Variants in C16orf89 observed in about 807,000 individuals in gnomAD.
C16orf89 encodes chromosome 16 open reading frame 89, also known as UPF0764 protein C16orf89.
In C16orf89, 57 loss-of-function variants were observed where a neutral mutation model predicts 41.5. That is an observed-to-expected ratio of 1.38 (90% CI 1.11 to 1.71). C16orf89 has a LOEUF of 1.71. C16orf89 is among the 40% of genes most tolerant of loss of function. C16orf89 has a pLI of 0.00. For missense variants in C16orf89, 575 were observed against 445.9 expected, an observed-to-expected ratio of 1.29 and a Z score of -2.61; for synonymous variants, 223 against 190.6, an observed-to-expected ratio of 1.17 and a Z score of -1.40.
chr16:5,058,015 A>C (rs945722844), intron 4 of C16orf89, among the ~76,000 whole-genome samples: 5 of 152,136 alleles, frequency 3.3e-5, no homozygotes, highest in Admixed American at 3.3e-4. Flanking sequence ...CAGGAGTATG[A>C]TAGGGGCCCT....
At chr16:5,052,419 G>A (rs2142625423) in intron 6 of C16orf89, among the ~76,000 whole-genome samples, 1 of 152,168 alleles carries the variant, frequency 6.6e-6, no homozygotes, top group Admixed American at 6.5e-5. Flanking sequence ...GCGAAACTCT[G>A]TCTCTACAAA....
Position 5,056,172 on chromosome 16 carries a change from C to G in C16orf89, c.644G>C (p.Gly215Ala), listed in dbSNP as rs17853191. ...ATAGTCCTGGCTCTGTTGGAGTGGT[C>G]CCTGTGTGCACCCCCTCTGGGGAGA... ...LWARMRGCTQ[G>A]PLQQSQDYIN... The change falls in exon 5 of 8, where the codon GGA becomes GCA. Residue 215 changes from glycine to alanine, a missense_variant. Physicochemically the swap from Gly to Ala is moderately conservative, Grantham distance 60. Coordinates refer to ENST00000472572, the MANE Select transcript of C16orf89 (RefSeq NM_001098514.3). The G allele has an allele frequency of 6.3e-7, 1 of 1,590,306 alleles. No homozygotes were observed. The highest frequency in any genetic ancestry group is 1.1e-5 in the South Asian group (1 of 90,526).
intron 1 of C16orf89, among the ~76,000 whole-genome samples, chr16:5,064,491 G>T (rs1446657115): frequency 3.9e-5 from 6 of 152,232 alleles, no homozygotes; most frequent in Non-Finnish European, 1.5e-5. Context: ...CCATCCACCA[G>T]CTGCAGCTGA....
Position 5,065,783 on chromosome 16 carries a change from C to T in C16orf89, c.126G>A (p.Ala42=), listed in dbSNP as rs187308197. ...CTAGGAAGACGGTGGCTCTCTCCAG[C>T]GCAGACAGGATCAGGTCTGCAATGG... ...KATIADLILS[A]LERATVFLEQ... The change falls in exon 1 of 8, where the codon GCG becomes GCA. Residue 42 remains alanine, a synonymous_variant. Transcript: ENST00000472572. 84 of 1,613,994 alleles carry T rather than the reference C, an allele frequency of 5.2e-5. No individual in the cohort carries two copies. In the African/African-American group the frequency reaches 6.3e-4, roughly 12 times the overall value.
rs1956327672 is a variant in C16orf89, at chr16:5,047,866, T to C, written c.955+12A>G. 6.8e-7 allele frequency: 1 copy of C among 1,465,802 alleles called. No homozygotes were observed. The highest frequency in any genetic ancestry group is 9.6e-7 in the Non-Finnish European group (1 of 1,046,940). 90.8% of individuals were successfully genotyped at this position (1,465,802 alleles called of 1,614,324 possible). ...TTTCATGTCAAGAAACTCCCTTGGG[T>C]ATTTTCATTACCTGGAAATTGTTTT... On this transcript the variant is annotated intron_variant, in intron 7 of 7. Coordinates refer to ENST00000472572, the MANE Select transcript of C16orf89 (RefSeq NM_001098514.3).
chr16:5,060,563 T>C, intron 2 of C16orf89, 127 bp from the exon 3 acceptor site: 1 of 960,204 alleles, frequency 1.0e-6, no homozygotes, highest in Non-Finnish European at 1.5e-6. Flanking sequence ...CTCTAAGCCC[T>C]GTCCCCTGGT....
chr16:5,058,399 C>G, intron 4 of C16orf89, 94 bp downstream of exon 4: 1 of 1,153,210 alleles, frequency 8.7e-7, no homozygotes, highest in Non-Finnish European at 1.2e-6. Flanking sequence ...TCCCAAAGTG[C>G]TTGGATTACA....
intron 2 of C16orf89, among the ~76,000 whole-genome samples, chr16:5,060,921 A>C (rs980819027): frequency 7.0e-6 from 1 of 142,440 alleles, no homozygotes; most frequent in Admixed American, 7.0e-5. Context: ...TAGAAGTTGG[A>C]GAATGCAGTG....
At chr16:5,044,552 G>T (rs1240550362) in intron 7 of C16orf89, 74 bp from the exon 8 acceptor site, 1 of 1,591,446 alleles carries the variant, frequency 6.3e-7, no homozygotes, top group African/African-American at 1.3e-5. Context: ...CTCATTGAAA[G>T]TGCTTTTCAG....
chr16:5,052,099 C>CAAAAAAAAAAAAAAAAAAAAGAAAGAAA (rs1956408161), intron 6 of C16orf89, among the ~76,000 whole-genome samples: 1 of 78,732 alleles, frequency 1.3e-5, no homozygotes. Flanking sequence ...GAGACTGTCT[C>CAAAAAAAAAAAAAAAAAAAAGAAAGAAA]AAAAAAAAAA....
intron 2 of C16orf89, among the ~76,000 whole-genome samples, 158 bp downstream of exon 2, chr16:5,062,267 C>A (rs752419196): frequency 6.6e-6 from 1 of 152,182 alleles, no homozygotes; most frequent in Non-Finnish European, 1.5e-5. Flanking sequence ...ACCGCACGTC[C>A]CCAGGGCTCG....
chr16:5,055,816 G>T (rs1260515665), intron 5 of C16orf89: 18 of 1,410,416 alleles, frequency 1.3e-5, no homozygotes, highest in Non-Finnish European at 1.6e-5. Context: ...TATAATTTTT[G>T]AGTGTAAGTA....
chr16:5,051,838 G>T (rs1234370547), intron 6 of C16orf89, among the ~76,000 whole-genome samples: 1 of 152,092 alleles, frequency 6.6e-6, no homozygotes, highest in Non-Finnish European at 1.5e-5. Context: ...GGTGGCTGAC[G>T]CCTATAATCC....
intron 6 of C16orf89, among the ~76,000 whole-genome samples, chr16:5,054,941 T>A (rs570551548): frequency 6.6e-6 from 1 of 152,308 alleles, no homozygotes; most frequent in African/African-American, 2.4e-5. Flanking sequence ...TCTTTATAAA[T>A]CACCCAGTCT....
At position 5,058,548 on chromosome 16, in the gene C16orf89, C is replaced by G; in HGVS notation, c.572G>C (p.Gly191Ala). The G allele has an allele frequency of 6.2e-7, 1 of 1,612,798 alleles. No individual in the cohort carries two copies. The highest frequency in any genetic ancestry group is 8.5e-7 in the Non-Finnish European group (1 of 1,179,942). ...DLCRSLMTKPGCSGYCLSHQL... is the reference protein window; with the variant it reads ...DLCRSLMTKPACSGYCLSHQL... ...GTGGGACAGGCAGTAGCCTGAGCAGCCGGGCTTGGTCATGAGGCTCCTGCA... is the reference window on the plus strand; with the variant it reads ...GTGGGACAGGCAGTAGCCTGAGCAGGCGGGCTTGGTCATGAGGCTCCTGCA... Residue 191 changes from glycine (G) to alanine (A), a missense_variant, in exon 4 of 8, where the codon GGC becomes GCC. Physicochemically the swap from Gly to Ala is moderately conservative, Grantham distance 60. Coordinates refer to ENST00000472572, the MANE Select transcript of C16orf89 (RefSeq NM_001098514.3).
At position 5,056,092 on chromosome 16, in the gene C16orf89, C is replaced by G; in HGVS notation, c.724G>C (p.Gly242Arg). Reference sequence around the variant, plus strand: ...ATGTCCCGGGTAGGGTAGGCGTATCCGATGGCCTCAGCTCTGCGGTTCAAG... The same window carrying G: ...ATGTCCCGGGTAGGGTAGGCGTATCGGATGGCCTCAGCTCTGCGGTTCAAG... ...MDLNRRAEAIGYAYPTRDIFM... is the reference protein window; with the variant it reads ...MDLNRRAEAIRYAYPTRDIFM... Residue 242 changes from glycine (G) to arginine (R), a missense_variant, in exon 5 of 8, where the codon GGA becomes CGA. By Grantham distance (125) the Gly-to-Arg change is moderately radical. Coordinates refer to ENST00000472572, the MANE Select transcript of C16orf89 (RefSeq NM_001098514.3). The G allele has an allele frequency of 6.3e-7, 1 of 1,597,106 alleles. No homozygotes were observed. Among genetic ancestry groups the G allele is most frequent in the Non-Finnish European group, 8.6e-7 (1 of 1,165,922 alleles).
chr16:5,060,659 CG>C (rs1956598669), intron 2 of C16orf89, among the ~76,000 whole-genome samples: 1 of 152,084 alleles, frequency 6.6e-6, no homozygotes, highest in South Asian at 2.1e-4. Flanking sequence ...AGTGATGGGA[CG>C]GGATTTGACT....
At chr16:5,064,400 C>A (rs1005772195) in intron 1 of C16orf89, among the ~76,000 whole-genome samples, 1 of 152,218 alleles carries the variant, frequency 6.6e-6, no homozygotes, top group Non-Finnish European at 1.5e-5. Flanking sequence ...ACAGTAATGG[C>A]TGACAAGTAC....
At chr16:5,056,690 C>T (rs1164432020) in intron 4 of C16orf89, among the ~76,000 whole-genome samples, 1 of 152,168 alleles carries the variant, frequency 6.6e-6, no homozygotes, top group African/African-American at 2.4e-5. Flanking sequence ...CAAGAGTTGA[C>T]AGCAGGCTTT....
Sources: gnomAD v4.1 joint callset for allele counts (sites outside exome capture counted in the v4.1 genomes callset) on GRCh38, gnomAD v4.1.1 for gene constraint, MANE v1.5 for transcripts, NCBI Gene and HGNC (gene_info 2026-07-23, HGNC 2026-07-21) for gene names.